Variants in RASA2 observed in about 807,000 individuals in gnomAD.
RASA2 encodes the protein ras GTPase-activating protein 2.
RASA2 carries 155 observed loss-of-function variants against 118.2 expected under a neutral mutation model. That is an observed-to-expected ratio of 1.31 (90% CI 1.15 to 1.50). The LOEUF is 1.50. Among genes scored for constraint, RASA2 ranks in the 40% most tolerant of loss-of-function variants. The pLI, the probability that RASA2 is intolerant of heterozygous loss-of-function variation, is 0.00. For missense variants in RASA2, 1,016 were observed against 1,009.6 expected, an observed-to-expected ratio of 1.01 and a Z score of -0.09; for synonymous variants, 353 against 349.1, an observed-to-expected ratio of 1.01 and a Z score of -0.12.
chr3:141,601,722 A>G (rs1245858688), intron 19 of RASA2, among the ~76,000 whole-genome samples: 3 of 152,316 alleles, frequency 2.0e-5, no homozygotes, highest in South Asian at 4.1e-4. Flanking sequence ...TTTTTGAACC[A>G]TAAGATAATG....
intron 1 of RASA2, among the ~76,000 whole-genome samples, chr3:141,497,481 G>C (rs1383473472): frequency 6.6e-6 from 1 of 152,092 alleles, no homozygotes; most frequent in Middle Eastern, 3.2e-3. Context: ...TACTTTGGAA[G>C]ACTATCCTAT....
At chr3:141,606,460 A>G (rs2083550844) in intron 19 of RASA2, among the ~76,000 whole-genome samples, 1 of 152,094 alleles carries the variant, frequency 6.6e-6, no homozygotes, top group Admixed American at 6.5e-5. Flanking sequence ...ATTCATCTCT[A>G]TTTAATATTT....
chr3:141,579,456 C>G (rs1315904939), intron 15 of RASA2: 1 of 152,176 alleles, frequency 6.6e-6, no homozygotes. Context: ...CCTGAAAAAC[C>G]TCTTGGATAA....
At chr3:141,496,079 G>C (rs939083745) in intron 1 of RASA2, among the ~76,000 whole-genome samples, 1 of 152,172 alleles carries the variant, frequency 6.6e-6, no homozygotes, top group African/African-American at 2.4e-5. Context: ...GGTGGATAAA[G>C]GGAGTTAGCC....
intron 1 of RASA2, among the ~76,000 whole-genome samples, chr3:141,511,536 G>C (rs2081950287): frequency 6.6e-6 from 1 of 152,108 alleles, no homozygotes; most frequent in Admixed American, 6.6e-5. Flanking sequence ...TGTTCACTTG[G>C]GTTAAATCAT....
intron 3 of RASA2, among the ~76,000 whole-genome samples, chr3:141,526,959 C>T (rs917922732): frequency 6.6e-6 from 1 of 152,126 alleles, no homozygotes; most frequent in Admixed American, 6.5e-5. Flanking sequence ...TTTGGGAAGG[C>T]ACCTGTGACA....
chr3:141,514,989 G>T (rs2082001873), intron 2 of RASA2, among the ~76,000 whole-genome samples: 1 of 152,292 alleles, frequency 6.6e-6, no homozygotes, highest in Admixed American at 6.5e-5. Context: ...GTTGGGGCAG[G>T]TATGATGGGG....
At chr3:141,521,153 T>A (rs2082106376) in intron 3 of RASA2, among the ~76,000 whole-genome samples, 1 of 152,122 alleles carries the variant, frequency 6.6e-6, no homozygotes, top group African/African-American at 2.4e-5. Flanking sequence ...GATCTGAAGC[T>A]TAGAGAAAAG....
intron 3 of RASA2, among the ~76,000 whole-genome samples, chr3:141,529,481 C>G (rs2151093966): frequency 6.6e-6 from 1 of 152,156 alleles, no homozygotes; most frequent in South Asian, 2.1e-4. Flanking sequence ...ATCTAATCCC[C>G]TGATTCAAAA....
intron 12 of RASA2, 136 bp downstream of exon 12, chr3:141,572,859 T>G: frequency 1.4e-6 from 1 of 708,574 alleles, no homozygotes; most frequent in East Asian, 2.8e-5. Context: ...AGAAGCAAAT[T>G]ATTTACTTCT....
chr3:141,571,620 T>G (rs572955506), intron 11 of RASA2, 66 bp downstream of exon 11: 7 of 1,488,562 alleles, frequency 4.7e-6, no homozygotes, highest in Middle Eastern at 1.7e-4. Flanking sequence ...TTTGACAGAT[T>G]GATTTTGTAG....
chr3:141,607,162 G>T (rs1315186298), intron 19 of RASA2, among the ~76,000 whole-genome samples: 1 of 152,036 alleles, frequency 6.6e-6, no homozygotes, highest in Non-Finnish European at 1.5e-5. Flanking sequence ...TCAGGTGGCT[G>T]ATCAACCCAT....
At chr3:141,503,236 G>A (rs2081810768) in intron 1 of RASA2, among the ~76,000 whole-genome samples, 1 of 152,122 alleles carries the variant, frequency 6.6e-6, no homozygotes, top group African/African-American at 2.4e-5. Context: ...ATAAATGCAT[G>A]CACATAATCC....
intron 4 of RASA2, among the ~76,000 whole-genome samples, chr3:141,530,760 A>G (rs894654748): frequency 1.3e-5 from 2 of 152,130 alleles, no homozygotes; most frequent in East Asian, 3.8e-4. Context: ...AAAATTTAAC[A>G]TACTTTTCCT....
At chr3:141,538,562 A>G (rs1378030513) in intron 4 of RASA2, among the ~76,000 whole-genome samples, 3 of 152,162 alleles carry the variant, frequency 2.0e-5, no homozygotes, top group African/African-American at 7.2e-5. Context: ...TGCTAAGGAT[A>G]GTATGTATTT....
At chr3:141,552,648 TA>T (rs1050989513) in intron 5 of RASA2, among the ~76,000 whole-genome samples, 2 of 152,190 alleles carry the variant, frequency 1.3e-5, no homozygotes, top group African/African-American at 4.8e-5. Context: ...AACCCAACAT[TA>T]AAACCCAGAA....
intron 4 of RASA2, among the ~76,000 whole-genome samples, chr3:141,530,291 G>A (rs6799996): frequency 0.016 from 2,489 of 151,912 alleles, 67 homozygotes; most frequent in African/African-American, 0.057. Context: ...TGTTCACCTC[G>A]CTTTTTATTT....
In RASA2 at chr3:141,566,770, T is replaced by C. The variant is rs569719781; in HGVS notation, c.864-4142T>C. Reference sequence around the variant, plus strand: ...AATTTTGTTTGGCATTGCCTTTAGATAGAGAATAGAGAAGATGGCAGCTTT... The same window carrying C: ...AATTTTGTTTGGCATTGCCTTTAGACAGAGAATAGAGAAGATGGCAGCTTT... On this transcript the variant is annotated intron_variant, in intron 9 of 23. Transcript: ENST00000286364. Among the ~76,000 whole-genome samples, 3 of 152,302 alleles carry C rather than the reference T, an allele frequency of 2.0e-5. No individual in the cohort carries two copies. In the South Asian group the frequency reaches 6.2e-4, roughly 32 times the overall value.
chr3:141,553,869 C>A lies in RASA2; in HGVS notation c.540C>A (p.Cys180Ter). Residue 180 changes from cysteine to a stop codon, truncating the protein, a stop_gained, in exon 6 of 24, where the codon TGC becomes TGA. Coordinates refer to ENST00000286364, the MANE Select transcript of RASA2 (RefSeq NM_006506.5). LOFTEE classifies it high-confidence loss of function. ...TATTCTACCTTAGCATCAAGGCATGCCATGGGTTGCCTCTCATAAATGGCC... is the reference window on the plus strand; with the variant it reads ...TATTCTACCTTAGCATCAAGGCATGACATGGGTTGCCTCTCATAAATGGCC... ...CQQLVVHIKACHGLPLINGQS... is the reference protein window; with the variant it reads ...CQQLVVHIKA 1.2e-6 allele frequency: 2 copies of A among 1,611,742 alleles called. No homozygotes were observed. The highest frequency in any genetic ancestry group is 1.7e-6 in the Non-Finnish European group (2 of 1,178,728).
Sources: gnomAD v4.1 joint callset for allele counts (sites outside exome capture counted in the v4.1 genomes callset) on GRCh38, gnomAD v4.1.1 for gene constraint, MANE v1.5 for transcripts, NCBI Gene and HGNC (gene_info 2026-07-23, HGNC 2026-07-21) for gene names.